RIF1: variants seen among roughly 807,000 people sequenced by gnomAD.
RIF1 encodes replication timing regulatory factor 1.
A neutral mutation model predicts 247.1 loss-of-function variants in RIF1; 45 were observed. The ratio of observed to expected loss-of-function variants is 0.18; its 90% CI spans 0.14 to 0.23. The LOEUF is 0.23. Ranked by LOEUF, RIF1 falls within the 10% of genes least tolerant of loss-of-function variation. The probability of loss-of-function intolerance (pLI) is 1.00; values close to 1 mark genes in which losing one functional copy is unlikely to be tolerated. For synonymous variants in RIF1, 1,087 were observed against 978.8 expected (o/e 1.11, Z -2.06); for missense variants, 2,967 against 2,862.5 (o/e 1.04, Z -0.83).
chr2:151,485,470 A>G (rs1340016504), downstream of RIF1: 1 of 254,618 alleles, frequency 3.9e-6, no homozygotes, highest in African/African-American at 2.2e-5. Context: ...TTTTTCCTTT[A>G]ATGTGTTTGG....
chr2:151,422,855 T>A, intron 7 of RIF1, 95 bp from the exon 8 acceptor site: 1 of 695,170 alleles, frequency 1.4e-6, no homozygotes, highest in Non-Finnish European at 2.5e-6. Flanking sequence ...GAAAACTATT[T>A]GGTTGAATCA....
the RIF1 span, chr2:151,534,265 C>T: frequency 3.1e-6 from 5 of 1,613,556 alleles, no homozygotes; most frequent in Admixed American, 1.7e-5. Context: ...CTAGGCTCAT[C>T]GACTACCAGG....
chr2:151,521,231 C>G, the RIF1 span, among the ~76,000 whole-genome samples: 2 of 152,154 alleles, frequency 1.3e-5, no homozygotes, highest in African/African-American at 4.8e-5. Flanking sequence ...AGAGAAAATG[C>G]ATTCACAATG....
the RIF1 span, chr2:151,524,164 A>T: frequency 1.5e-6 from 1 of 649,788 alleles, no homozygotes; most frequent in Admixed American, 2.8e-5. Context: ...AAAGGCCCTC[A>T]GTGCACTTTT....
chr2:151,519,145 A>G, the RIF1 span: 1 of 927,540 alleles, frequency 1.1e-6, no homozygotes, highest in Non-Finnish European at 1.7e-6. Context: ...AAAGTGAGAT[A>G]GCCCATCGTC....
At chr2:151,529,081 T>G in the RIF1 span, 1 of 702,640 alleles carries the variant, frequency 1.4e-6, no homozygotes, top group East Asian at 2.6e-5. Flanking sequence ...TTCATGCTCC[T>G]GGGGCCTGAC....
the RIF1 span, chr2:151,529,101 G>A: frequency 1.3e-6 from 1 of 753,720 alleles, no homozygotes; most frequent in Non-Finnish European, 2.3e-6. Context: ...CTCTTGCTTT[G>A]GAATCAATCA....
At chr2:151,415,946 C>T (rs1326136822) in intron 4 of RIF1, among the ~76,000 whole-genome samples, 4 of 152,132 alleles carry the variant, frequency 2.6e-5, no homozygotes, top group African/African-American at 9.7e-5. Flanking sequence ...CAGGCATATG[C>T]ACTAAGGAAT....
Position 151,410,400 on chromosome 2 carries a change from G to T in RIF1, c.-10-14G>T. 6.2e-7 allele frequency: 1 copy of T among 1,606,902 alleles called. No homozygotes were observed. The highest frequency in any genetic ancestry group is 8.5e-7 in the Non-Finnish European group (1 of 1,175,398). On this transcript the variant is annotated splice_polypyrimidine_tract_variant and intron_variant, in intron 1 of 35. Transcript: ENST00000444746. ...CGGTCACTGGATTTTCTCCTCTTCC[G>T]GTTCGGGCCTCAGGGTGGCCGACAT... is the stretch of plus-strand genomic sequence containing the variant.
the RIF1 span, chr2:151,530,588 AT>A: frequency 6.3e-6 from 1 of 157,730 alleles, no homozygotes; most frequent in Non-Finnish European, 1.4e-5. Context: ...GTGGAAATTC[AT>A]TTTTAAAAAA....
chr2:151,436,098 C>T (rs962513911), intron 11 of RIF1, among the ~76,000 whole-genome samples: 1 of 151,952 alleles, frequency 6.6e-6, no homozygotes, highest in Admixed American at 6.6e-5. Context: ...GTCGTGGGCC[C>T]CTGTAATAAC....
At chr2:151,492,772 C>T in intron 9 of RIF1, 1 of 261,126 alleles carries the variant, frequency 3.8e-6, no homozygotes. Flanking sequence ...TTGAAATTTG[C>T]TAGGAATTAC....
chr2:151,451,281 A>G (rs760312420), intron 20 of RIF1, among the ~76,000 whole-genome samples: 1 of 152,186 alleles, frequency 6.6e-6, no homozygotes, highest in Non-Finnish European at 1.5e-5. Flanking sequence ...AGTATTCAGT[A>G]TAGTAACTAC....
Position 151,464,094 on chromosome 2 carries a change from C to T in RIF1, c.4574C>T (p.Ser1525Phe), listed in dbSNP as rs1240557757. 4 of 1,612,756 alleles carry T rather than the reference C, an allele frequency of 2.5e-6. No homozygotes were observed. Among genetic ancestry groups the T allele is most frequent in the Non-Finnish European group, 3.4e-6 (4 of 1,179,746 alleles). Residue 1525 changes from serine (S) to phenylalanine (F), a missense_variant, in exon 30 of 36, where the codon TCC becomes TTC. Around this residue, in one of 7 missense-constraint regions of RIF1, gnomAD observed 2,028 missense variants for 1,825.6 expected, o/e 1.11. Transcript: ENST00000444746. ...GGTACCCAGGACATTGTAGATAAGT[C>T]CTCTGAGAAACTAGTCAGAGGCCGA... ...GDGTQDIVDK[S>F]SEKLVRGRTR...
chr2:151,518,332 C>T, the RIF1 span: 4 of 1,604,814 alleles, frequency 2.5e-6, no homozygotes, highest in South Asian at 4.4e-5. Context: ...CTCTGTAATT[C>T]TGTGGCCTCT....
chr2:151,437,470 C>T, intron 13 of RIF1, 119 bp downstream of exon 13: 3 of 715,420 alleles, frequency 4.2e-6, no homozygotes, highest in Non-Finnish European at 4.8e-6. Flanking sequence ...GTGAGTGGAT[C>T]ACTTGAGCTC....
At position 151,468,006 on chromosome 2, in the gene RIF1, C is replaced by G; in HGVS notation, c.6607C>G (p.Arg2203Gly). Residue 2203 changes from arginine (R) to glycine (G), a missense_variant, in exon 31 of 36, where the codon CGT becomes GGT. By Grantham distance (125) the Arg-to-Gly change is moderately radical (BLOSUM62 -2). Around this residue, in one of 7 missense-constraint regions of RIF1, gnomAD observed 2,028 missense variants for 1,825.6 expected, o/e 1.11. Coordinates refer to ENST00000444746, the MANE Select transcript of RIF1 (RefSeq NM_018151.5). ...EISSPVNKVR[R>G]VSFADPIYQA... ...TCCTGACCTGTGTTTTCAGGTTCGC[C>G]GTGTCTCCTTTGCAGATCCAATATA... The G allele has an allele frequency of 6.2e-7, 1 of 1,603,922 alleles. No homozygotes were observed. Among genetic ancestry groups the G allele is most frequent in the Non-Finnish European group, 8.5e-7 (1 of 1,176,604 alleles).
In RIF1 at chr2:151,414,857, G is replaced by A. The variant is rs1247322682; in HGVS notation, c.218G>A (p.Ser73Asn). ...HISSQNSELSSAALQALGFCL... is the reference protein window; with the variant it reads ...HISSQNSELSNAALQALGFCL... ...TCCAGTCAAAACTCGGAGCTGAGTA[G>A]TGCTGCTCTACAAGCCCTGGGGTTT... Residue 73 changes from serine to asparagine, a missense_variant, in exon 4 of 36, where the codon AGT becomes AAT. Ser to Asn is a conservative substitution (Grantham distance 46). Coordinates refer to ENST00000444746, the MANE Select transcript of RIF1 (RefSeq NM_018151.5). 4 of 1,613,294 alleles carry A rather than the reference G, an allele frequency of 2.5e-6. No homozygotes were observed. The highest frequency in any genetic ancestry group is 1.1e-5 in the South Asian group (1 of 90,886).
intron 9 of RIF1, among the ~76,000 whole-genome samples, chr2:151,430,468 C>T (rs536361621): frequency 6.6e-6 from 1 of 151,484 alleles, no homozygotes; most frequent in South Asian, 2.1e-4. Flanking sequence ...ATGACAGGCG[C>T]CCGCTGCCAC....
Sources: gnomAD v4.1 joint callset for allele counts (sites outside exome capture counted in the v4.1 genomes callset) on GRCh38, gnomAD v4.1.1 for gene constraint, gnomAD v4.1.1 regional missense constraint, MANE v1.5 for transcripts, NCBI Gene and HGNC (gene_info 2026-07-23, HGNC 2026-07-21) for gene names.